The following SNPH variants were observed in gnomAD, a reference collection of about 807,000 sequenced individuals.
The protein encoded by SNPH is syntaphilin.
A neutral mutation model predicts 36.8 loss-of-function variants in SNPH; 10 were observed. The observed-to-expected ratio is 0.27, with a 90% CI of 0.17 to 0.46. The LOEUF is 0.46. Among genes scored for constraint, SNPH ranks in the 20% least tolerant of loss-of-function variants. SNPH has a pLI of 1.00. For missense variants in SNPH, 622 were observed against 744.0 expected, an observed-to-expected ratio of 0.84 and a Z score of 1.91; for synonymous variants, 281 against 312.2, an observed-to-expected ratio of 0.90 and a Z score of 1.05.
At chr20:1,291,788 T>C (rs1042648615) in intron 2 of SNPH, among the ~76,000 whole-genome samples, 4 of 152,262 alleles carry the variant, frequency 2.6e-5, no homozygotes, top group African/African-American at 9.6e-5. Context: ...AGATAAATTA[T>C]AGTACATACA....
intron 4 of SNPH, among the ~76,000 whole-genome samples, chr20:1,296,668 A>G (rs899782162): frequency 6.6e-6 from 1 of 152,180 alleles, no homozygotes; most frequent in Non-Finnish European, 1.5e-5. Context: ...CCTCATCAAT[A>G]TTGTTTGATT....
At chr20:1,278,050 G>T (rs2088169569) in intron 2 of SNPH, among the ~76,000 whole-genome samples, 2 of 80,046 alleles carry the variant, frequency 2.5e-5, no homozygotes, top group Non-Finnish European at 2.6e-5. Flanking sequence ...GTGTGCCTGT[G>T]TGTGTGTGTC....
In SNPH at chr20:1,281,981, G is replaced by A. The variant is rs557754759; in HGVS notation, c.-492-12970G>A. 5.9e-5 allele frequency among the ~76,000 whole-genome samples: 9 copies of A among 152,340 alleles called. No homozygotes were observed. In the South Asian group the frequency reaches 1.0e-3, roughly 18 times the overall value. On this transcript the variant is annotated intron_variant, in intron 2 of 6. Coordinates refer to ENST00000381867, the MANE Select transcript of SNPH (RefSeq NM_001318234.2). ...GCAGAGGGTGGAGGGTGGAGGGTGG[G>A]GGTGAAGATACTTGCCACAGGGCCG...
At chr20:1,296,447 T>C (rs2088436126) in intron 4 of SNPH, 26 bp downstream of exon 4, 1 of 1,574,988 alleles carries the variant, frequency 6.3e-7, no homozygotes. Flanking sequence ...GCTCACAGCC[T>C]AGGCTTCGGA....
At chr20:1,267,856 C>T (rs6109207) in intron 2 of SNPH, among the ~76,000 whole-genome samples, 1 of 152,024 alleles carries the variant, frequency 6.6e-6, no homozygotes, top group Non-Finnish European at 1.5e-5. Context: ...AGTGACTTCC[C>T]TTCCCCCAGC....
In SNPH at chr20:1,305,708, C is replaced by T. The variant is rs1568552786; in HGVS notation, c.1271C>T (p.Thr424Ile). Residue 424 changes from threonine to isoleucine, a missense_variant, in exon 7 of 7, where the codon ACC (threonine) becomes ATC (isoleucine). Thr to Ile is a moderately conservative substitution (Grantham distance 89). Coordinates refer to ENST00000381867, the MANE Select transcript of SNPH (RefSeq NM_001318234.2). ...GDELEAPEPI[T>I]RGPTPQRPGA... is the part of the protein sequence containing the mutation. Reference sequence around the variant, plus strand: ...GAGCTAGAGGCCCCAGAGCCCATCACCCGTGGACCCACCCCACAGCGGCCT... The same window carrying T: ...GAGCTAGAGGCCCCAGAGCCCATCATCCGTGGACCCACCCCACAGCGGCCT... 1 of 1,609,964 alleles carries T rather than the reference C, an allele frequency of 6.2e-7. No homozygotes were observed. Among genetic ancestry groups the T allele is most frequent in the South Asian group, 1.1e-5 (1 of 90,604 alleles).
chr20:1,284,525 G>A (rs1053965414), intron 2 of SNPH, among the ~76,000 whole-genome samples: 19 of 152,168 alleles, frequency 1.2e-4, no homozygotes, highest in Admixed American at 5.2e-4. Flanking sequence ...GGAGAAAAAC[G>A]AAGCATGGGA....
chr20:1,293,984 T>G (rs2088395921), intron 2 of SNPH, among the ~76,000 whole-genome samples: 1 of 152,172 alleles, frequency 6.6e-6, no homozygotes, highest in South Asian at 2.1e-4. Context: ...GAACACTCAC[T>G]CACACTGGCT....
intron 2 of SNPH, among the ~76,000 whole-genome samples, chr20:1,290,570 T>G (rs1301660769): frequency 6.6e-6 from 1 of 152,248 alleles, no homozygotes; most frequent in Non-Finnish European, 1.5e-5. Flanking sequence ...CGCATCACAT[T>G]TTGTTTATCC....
chr20:1,298,804 T>TTG (rs3038999), intron 5 of SNPH, among the ~76,000 whole-genome samples: 17,755 of 140,918 alleles, frequency 0.13, 1,187 homozygotes, highest in Admixed American at 0.18. Context: ...TTTTTCTAAT[T>TTG]TGTGTGTGTG....
At chr20:1,291,781 T>C (rs906473696) in intron 2 of SNPH, among the ~76,000 whole-genome samples, 1 of 152,224 alleles carries the variant, frequency 6.6e-6, no homozygotes, top group Non-Finnish European at 1.5e-5. Flanking sequence ...TGAAAGAAGA[T>C]AAATTATAGT....
rs1364494737 is a variant in SNPH at position 1,294,596 on chromosome 20, C to T, written c.-492-355C>T. Among the ~76,000 whole-genome samples the T allele has an allele frequency of 6.6e-6, 1 of 152,196 alleles. No individual in the cohort carries two copies. The highest frequency in any genetic ancestry group is 2.4e-5 in the African/African-American group (1 of 41,446). On this transcript the variant is annotated intron_variant, in intron 2 of 6. Transcript: ENST00000381867. The surrounding 1 kb of genome is among the most constrained non-coding windows in gnomAD (Gnocchi z 4.4). ...TGTCGGCAGGTCCTGCAGCCCAGCA[C>T]CCGACACCTCCAGGCAGACAATGCT...
At chr20:1,283,512 C>T (rs1233927119) in intron 2 of SNPH, among the ~76,000 whole-genome samples, 1 of 152,232 alleles carries the variant, frequency 6.6e-6, no homozygotes, top group Non-Finnish European at 1.5e-5. Flanking sequence ...CAATCACTGC[C>T]ATGCAGGAAT....
At position 1,266,535 on chromosome 20, in the gene SNPH, T is replaced by G; in HGVS notation, c.-599-119T>G. 1 of 1,335,066 alleles carries G rather than the reference T, an allele frequency of 7.5e-7. No homozygotes were observed. Among genetic ancestry groups the G allele is most frequent in the Non-Finnish European group, 9.7e-7 (1 of 1,034,400 alleles). 82.7% of individuals were successfully genotyped at this position (1,335,066 alleles called of 1,614,324 possible). A position where few individuals can be genotyped will look rare whatever the true frequency, so the allele number is the denominator to read the frequency against. On this transcript the variant is annotated intron_variant, in intron 1 of 6. Transcript: ENST00000381867. The surrounding 1 kb of genome is among the most constrained non-coding windows in gnomAD (Gnocchi z 6.0). ...GGGACGGAGCACCCGGCAGGCAGCC[T>G]GCCCTCCAAGCCTTCTGGCTGCAGC... is the stretch of plus-strand genomic sequence containing the variant.
At chr20:1,300,111 G>A (rs2088486647) in intron 5 of SNPH, among the ~76,000 whole-genome samples, 1 of 152,152 alleles carries the variant, frequency 6.6e-6, no homozygotes, top group Non-Finnish European at 1.5e-5. Flanking sequence ...CATTCTCCAG[G>A]TTGGAAGACG....
intron 2 of SNPH, among the ~76,000 whole-genome samples, chr20:1,267,642 A>G (rs1407766): frequency 0.79 from 120,789 of 152,204 alleles, 47,997 homozygotes; most frequent in East Asian, 0.98. Context: ...AATGATGTGT[A>G]TAATTTTAGT....
chr20:1,282,642 T>TGGAGTTGGAGCTCCA (rs989976021), intron 2 of SNPH, among the ~76,000 whole-genome samples: 2 of 152,198 alleles, frequency 1.3e-5, no homozygotes, highest in African/African-American at 4.8e-5. Context: ...ACTTAAAAAT[T>TGGAGTTGGAGCTCCA]ACCCAGTTGG....
At chr20:1,298,200 A>C (rs1466382131) in intron 5 of SNPH, among the ~76,000 whole-genome samples, 2 of 152,104 alleles carry the variant, frequency 1.3e-5, no homozygotes, top group Non-Finnish European at 2.9e-5. Context: ...TTTAAAGTGG[A>C]GCTAATAACT....
chr20:1,266,320 T>A lies in SNPH; in HGVS notation c.-677T>A. The A allele has an allele frequency of 1.1e-5, 2 of 179,972 alleles. No homozygotes were observed. Among genetic ancestry groups the A allele is most frequent in the Non-Finnish European group, 2.3e-5 (2 of 87,956 alleles). 11.1% of individuals were successfully genotyped at this position (179,972 alleles called of 1,614,324 possible). A position where few individuals can be genotyped will look rare whatever the true frequency, so the allele number is the denominator to read the frequency against. On this transcript the variant is annotated 5_prime_UTR_variant, in exon 1 of 7. Coordinates refer to ENST00000381867, the MANE Select transcript of SNPH (RefSeq NM_001318234.2). This position sits in a 1 kb window ranked among gnomAD's most constrained non-coding sequence, Gnocchi z 6.0. ...GCCCCAGCCCCGGCGAGCACCCAGC[T>A]AGCCGCCTCCTGCAGGGGCTCGGGA...
Sources: gnomAD v4.1 joint callset for allele counts (sites outside exome capture counted in the v4.1 genomes callset) on GRCh38, gnomAD v4.1.1 for gene constraint, Gnocchi (gnomAD v3.1) non-coding constraint, MANE v1.5 for transcripts, NCBI Gene and HGNC (gene_info 2026-07-23, HGNC 2026-07-21) for gene names.